Variants in NPAS3 observed in about 807,000 individuals in gnomAD.
The protein encoded by NPAS3 is neuronal PAS domain protein 3, also known as neuronal PAS domain-containing protein 3.
A neutral mutation model predicts 73.1 loss-of-function variants in NPAS3; 14 were observed. That is an observed-to-expected ratio of 0.19 (90% CI 0.13 to 0.30). The LOEUF (loss-of-function observed/expected upper bound fraction) is 0.30, where lower values mean the gene tolerates loss of function less well. NPAS3 is among the 10% of genes least tolerant of loss of function. The pLI is 1.00. For missense variants in NPAS3, 1,096 were observed against 1,250.0 expected (o/e 0.88, Z 1.86); for synonymous variants, 620 against 541.5 (o/e 1.14, Z -2.01).
At chr14:33,523,619 A>G (rs972220634) in intron 4 of NPAS3, among the ~76,000 whole-genome samples, 3 of 151,740 alleles carry the variant, frequency 2.0e-5, no homozygotes, top group African/African-American at 7.3e-5. Flanking sequence ...AAAAAGATAA[A>G]AATTAAAAAA....
At chr14:33,711,483 G>A (rs2060817284) in intron 6 of NPAS3, among the ~76,000 whole-genome samples, 1 of 152,092 alleles carries the variant, frequency 6.6e-6, no homozygotes, top group African/African-American at 2.4e-5. Flanking sequence ...ATAGAATGTT[G>A]TTTCCTGTAC....
At chr14:33,728,346 A>G (rs1293849930) in intron 6 of NPAS3, among the ~76,000 whole-genome samples, 1 of 152,234 alleles carries the variant, frequency 6.6e-6, no homozygotes, top group Non-Finnish European at 1.5e-5. Flanking sequence ...AGGTTATTAC[A>G]TCATTATTGA....
At chr14:33,803,117 C>T (rs924711917), downstream of NPAS3, 2 of 152,090 alleles carry the variant, frequency 1.3e-5, no homozygotes, top group African/African-American at 4.8e-5. Context: ...TTAACATTCC[C>T]AGAGTCCCTT....
chr14:33,763,620 C>T (rs2062366795), intron 7 of NPAS3, among the ~76,000 whole-genome samples: 2 of 152,222 alleles, frequency 1.3e-5, no homozygotes, highest in Admixed American at 1.3e-4. Context: ...TGCCATCAAA[C>T]AGGAACTACA....
At chr14:33,768,904 T>G (rs1367432037) in intron 7 of NPAS3, among the ~76,000 whole-genome samples, 1 of 152,188 alleles carries the variant, frequency 6.6e-6, no homozygotes, top group Non-Finnish European at 1.5e-5. Flanking sequence ...CTACTTAACT[T>G]TACAAGGAAG....
chr14:33,802,220 C>G (rs115712854), downstream of NPAS3: 1 of 151,066 alleles, frequency 6.6e-6, no homozygotes, highest in Non-Finnish European at 1.5e-5. Flanking sequence ...TTGCTTAAAA[C>G]AAAAAGGAAG....
chr14:32,944,247 G>A (rs868713995), intron 1 of NPAS3, among the ~76,000 whole-genome samples: 22 of 152,104 alleles, frequency 1.4e-4, no homozygotes, highest in Admixed American at 5.2e-4. Context: ...CTTTTTCTGC[G>A]TATAACATTT....
intron 3 of NPAS3, among the ~76,000 whole-genome samples, chr14:33,221,482 C>G (rs1419160823): frequency 6.6e-6 from 1 of 152,152 alleles, no homozygotes; most frequent in Non-Finnish European, 1.5e-5. Flanking sequence ...CAGAAGTGGG[C>G]TCGGCATGGT....
chr14:33,159,130 C>T (rs1457406174), intron 2 of NPAS3, among the ~76,000 whole-genome samples: 1 of 152,020 alleles, frequency 6.6e-6, no homozygotes, highest in Non-Finnish European at 1.5e-5. Flanking sequence ...CCACTGCACT[C>T]CAGCCTGGGC....
intron 1 of NPAS3, among the ~76,000 whole-genome samples, chr14:32,964,449 G>T (rs2037066080): frequency 6.6e-6 from 1 of 152,100 alleles, no homozygotes; most frequent in Non-Finnish European, 1.5e-5. Context: ...AAACTGTGCG[G>T]AACTCTCAAC....
intron 3 of NPAS3, among the ~76,000 whole-genome samples, chr14:33,272,893 A>G (rs1327848344): frequency 3.3e-5 from 5 of 152,166 alleles, no homozygotes; most frequent in Non-Finnish European, 5.9e-5. Flanking sequence ...TCTCTTTACA[A>G]TTTTACAAAG....
intron 5 of NPAS3, among the ~76,000 whole-genome samples, chr14:33,624,184 A>T (rs1221816248): frequency 1.3e-5 from 2 of 152,096 alleles, no homozygotes; most frequent in South Asian, 4.1e-4. Flanking sequence ...TCTGTCTTAC[A>T]CTCTCCTGGG....
chr14:33,338,394 G>T (rs941936610), intron 3 of NPAS3, among the ~76,000 whole-genome samples: 1 of 152,016 alleles, frequency 6.6e-6, no homozygotes, highest in African/African-American at 2.4e-5. Flanking sequence ...AGAGATCGTT[G>T]TTGCTTTGTG....
intron 1 of NPAS3, among the ~76,000 whole-genome samples, chr14:33,037,510 G>GA (rs1247383012): frequency 1.3e-5 from 2 of 151,216 alleles, no homozygotes; most frequent in South Asian, 2.1e-4. Flanking sequence ...AAGAAAAAAA[G>GA]AAAAAATTAG....
chr14:33,443,859 A>G (rs570271943), intron 4 of NPAS3, among the ~76,000 whole-genome samples: 3 of 152,164 alleles, frequency 2.0e-5, no homozygotes, highest in Non-Finnish European at 2.9e-5. Context: ...GTAGGGTATA[A>G]TGTTGGAAAC....
chr14:33,391,804 A>G (rs533952026), intron 4 of NPAS3, among the ~76,000 whole-genome samples: 2 of 152,326 alleles, frequency 1.3e-5, no homozygotes, highest in South Asian at 4.1e-4. Context: ...CTTCAGAGAC[A>G]TGCTCACCCT....
intron 2 of NPAS3, among the ~76,000 whole-genome samples, chr14:33,162,430 C>G (rs569959575): frequency 6.6e-6 from 1 of 152,102 alleles, no homozygotes; most frequent in Non-Finnish European, 1.5e-5. Context: ...TACATAGCCT[C>G]AGGTCACTAT....
chr14:32,977,706 T>A (rs1200079965), intron 1 of NPAS3, among the ~76,000 whole-genome samples: 3 of 99,990 alleles, frequency 3.0e-5, no homozygotes, highest in Non-Finnish European at 5.7e-5. Context: ...CGCTCCAGCC[T>A]GGGTGACAGC....
intron 3 of NPAS3, among the ~76,000 whole-genome samples, chr14:33,246,537 C>CA (rs56270689): frequency 0.06 from 6,177 of 103,072 alleles, 218 homozygotes; most frequent in African/African-American, 0.073. Context: ...GACTTCATCT[C>CA]AAAAAAAAAA....
Sources: gnomAD v4.1 joint callset for allele counts (sites outside exome capture counted in the v4.1 genomes callset) on GRCh38, gnomAD v4.1.1 for gene constraint, MANE v1.5 for transcripts, NCBI Gene and HGNC (gene_info 2026-07-23, HGNC 2026-07-21) for gene names.